The following TROAP variants were observed in gnomAD, a reference collection of about 807,000 sequenced individuals.
TROAP encodes tastin.
A neutral mutation model predicts 83.4 loss-of-function variants in TROAP; 62 were observed. The observed-to-expected ratio is 0.74, with a 90% CI of 0.61 to 0.92. The LOEUF is 0.92. Ranked by LOEUF, TROAP falls within the 40% of genes least tolerant of loss-of-function variation. The pLI is 0.00. For missense variants in TROAP, 876 were observed against 985.1 expected, an observed-to-expected ratio of 0.89 and a Z score of 1.48; for synonymous variants, 352 against 386.4, an observed-to-expected ratio of 0.91 and a Z score of 1.04.
In TROAP at chr12:49,331,338, C is replaced by T. The variant is rs756775328; in HGVS notation, c.2223C>T (p.Ala741=). The change falls in exon 14 of 15, where the codon GCC becomes GCT. Residue 741 remains alanine (A), a synonymous_variant. Coordinates refer to ENST00000257909, the MANE Select transcript of TROAP (RefSeq NM_005480.4). ...AGTGTGCCTTTTACACCAGCCGAGCCCCTCCCTCAGGCCCCACCCGGGTCT... is the reference window on the plus strand; with the variant it reads ...AGTGTGCCTTTTACACCAGCCGAGCTCCTCCCTCAGGCCCCACCCGGGTCT... ...DDECAFYTSR[A]PPSGPTRVCT... 1.4e-5 allele frequency: 23 copies of T among 1,614,100 alleles called. No individual in the cohort carries two copies. The South Asian group carries it at 2.0e-4, about 14-fold the overall frequency.
chr12:49,325,446 G>A, intron 3 of TROAP, 55 bp from the exon 4 acceptor site: 1 of 1,558,628 alleles, frequency 6.4e-7, no homozygotes, highest in Non-Finnish European at 8.7e-7. Flanking sequence ...CTATGCTAGG[G>A]GCCCTATCCC....
At position 49,326,220 on chromosome 12, in the gene TROAP, A is replaced by T. The variant is rs1943498960; in HGVS notation, c.716+62A>T. 17 of 1,554,170 alleles carry T rather than the reference A, an allele frequency of 1.1e-5. 1 individual carries two copies. Among genetic ancestry groups the T allele is most frequent in the Middle Eastern group, 3.7e-4 (2 of 5,468 alleles). On this transcript the variant is annotated intron_variant, in intron 6 of 14. Coordinates refer to ENST00000257909, the MANE Select transcript of TROAP (RefSeq NM_005480.4). ...AAAAGAATGAACCAGTGTCTGATAC[A>T]GGAGTCCCCCAGAGTTGGGGCCTTC...
Position 49,330,792 on chromosome 12 carries a change from G to C in TROAP, c.1947G>C (p.Leu649=), listed in dbSNP as rs1943568895. The change falls in exon 13 of 15, where the codon CTG becomes CTC. Residue 649 remains leucine, a synonymous_variant. Transcript: ENST00000257909. ...TGGGGGCATCAGAGCCCTGCACCCTGGAACATAGAAGTCTAGAGTCCAGTC... is the reference window on the plus strand; with the variant it reads ...TGGGGGCATCAGAGCCCTGCACCCTCGAACATAGAAGTCTAGAGTCCAGTC... ...VELGASEPCT[L]EHRSLESSLP... is the part of the protein sequence containing the mutation. The C allele has an allele frequency of 6.2e-7, 1 of 1,613,876 alleles. No individual in the cohort carries two copies. The highest frequency in any genetic ancestry group is 1.3e-5 in the African/African-American group (1 of 74,898).
intron 1 of TROAP, 121 bp from the exon 2 acceptor site, chr12:49,323,483 C>T (rs756988026): frequency 1.1e-4 from 152 of 1,389,066 alleles, no homozygotes; most frequent in Non-Finnish European, 1.4e-4. Flanking sequence ...TTGCAGGCGC[C>T]GGGGGCTTGT....
At position 49,325,537 on chromosome 12, in the gene TROAP, C is replaced by T. The variant is rs1943485495; in HGVS notation, c.374C>T (p.Ala125Val). ...ACCATAGAGTTTGTGGCTGACCCTG[C>T]AGCCCTGGCCACCATCCTGTCAGGT... ...PGTIEFVADP[A>V]ALATILSGEG... The change falls in exon 4 of 15, where the codon GCA (alanine) becomes GTA (valine). Residue 125 changes from alanine to valine, a missense_variant. This residue lies in a region of TROAP where 689 missense variants were observed against 722.6 expected (regional missense o/e 0.95). Coordinates refer to ENST00000257909, the MANE Select transcript of TROAP (RefSeq NM_005480.4). The T allele has an allele frequency of 2.5e-6, 4 of 1,613,998 alleles. No individual in the cohort carries two copies. The highest frequency in any genetic ancestry group is 3.4e-6 in the Non-Finnish European group (4 of 1,180,016).
Position 49,326,168 on chromosome 12 carries a change from G to A in TROAP, c.716+10G>A, listed in dbSNP as rs1280700257. ...CAGCTGGCAGCAGCCGGTGAGAAAG[G>A]AGAGGGTGTGGGAGAAGGTCATCTG... On this transcript the variant is annotated intron_variant, in intron 6 of 14. Transcript: ENST00000257909. 4 of 1,613,478 alleles carry A rather than the reference G, an allele frequency of 2.5e-6. No homozygotes were observed. The highest frequency in any genetic ancestry group is 3.4e-6 in the Non-Finnish European group (4 of 1,179,688).
Position 49,329,938 on chromosome 12 carries a change from C to T in TROAP, c.1246C>T (p.Pro416Ser), listed in dbSNP as rs186005662. 5.9e-5 allele frequency: 95 copies of T among 1,614,106 alleles called. No individual in the cohort carries two copies. The highest frequency in any genetic ancestry group is 3.3e-4 in the Middle Eastern group (2 of 6,060). The change falls in exon 12 of 15, where the codon CCT becomes TCT. Residue 416 changes from proline to serine, a missense_variant. By Grantham distance (74) the Pro-to-Ser change is moderately conservative. Coordinates refer to ENST00000257909, the MANE Select transcript of TROAP (RefSeq NM_005480.4). The surrounding 1 kb of genome is among the most constrained non-coding windows in gnomAD (Gnocchi z 4.5). Reference protein sequence around the residue: ...EGSGKPPVATPSGPHSNRTPS... With the variant: ...EGSGKPPVATSSGPHSNRTPS... ...TTCTGGGAAACCACCGGTGGCCACT[C>T]CTTCTGGACCCCACTCTAACAGAAC... is the stretch of plus-strand genomic sequence containing the variant.
At chr12:49,331,434 G>A in intron 14 of TROAP, 27 bp downstream of exon 14, 6 of 1,609,342 alleles carry the variant, frequency 3.7e-6, no homozygotes, top group Non-Finnish European at 5.1e-6. Context: ...CAGCCCAGCT[G>A]TGGCTGCACA....
rs762426688 is a variant in TROAP, at chr12:49,329,502, C to T, written c.1164+48C>T. On this transcript the variant is annotated intron_variant, in intron 11 of 14. Transcript: ENST00000257909. The surrounding 1 kb of genome is among the most constrained non-coding windows in gnomAD (Gnocchi z 4.5). ...TACTGAGATCCCTTGCCCTGTGCTG[C>T]CAGCCTGGAGGCCCAGGAGTTTGAG... The T allele has an allele frequency of 6.4e-7, 1 of 1,560,306 alleles. No individual in the cohort carries two copies. The highest frequency in any genetic ancestry group is 2.2e-5 in the East Asian group (1 of 44,556).
rs200438247 is a variant in TROAP at position 49,331,269 on chromosome 12, T to C, written c.2154T>C (p.Cys718=). The part of the protein sequence containing the change: ...TLALRERLKS[C]LTAIHCFHEA... ...CCCTGAGGGAGCGCCTCAAATCGTG[T>C]TTAACCGCCATCCACTGCTTCCACG... is the stretch of plus-strand genomic sequence containing the variant. The change falls in exon 14 of 15, where the codon TGT becomes TGC. Residue 718 remains cysteine, a synonymous_variant. Transcript: ENST00000257909. 18 of 1,614,060 alleles carry C rather than the reference T, an allele frequency of 1.1e-5. No homozygotes were observed. Among genetic ancestry groups the C allele is most frequent in the Non-Finnish European group, 1.5e-5 (18 of 1,180,026 alleles).
rs767398386 is a variant in TROAP at position 49,324,082 on chromosome 12, G to A, written c.337+45G>A. The A allele has an allele frequency of 7.4e-6, 12 of 1,612,384 alleles. No individual in the cohort carries two copies. The South Asian group carries it at 1.3e-4, about 18-fold the overall frequency. On this transcript the variant is annotated intron_variant, in intron 3 of 14. Transcript: ENST00000257909. ...TAACACGGCCTCCATGGCTGAGTAGGGGACTAGGAAGGGTAAAAGTGGGGT... is the reference window on the plus strand; with the variant it reads ...TAACACGGCCTCCATGGCTGAGTAGAGGACTAGGAAGGGTAAAAGTGGGGT...
Position 49,326,501 on chromosome 12 carries a change from G to A in TROAP, c.717-167G>A. On this transcript the variant is annotated intron_variant, in intron 6 of 14. Transcript: ENST00000257909. ...TAACACTTACTATTTGTGCAAGCTT[G>A]CCTTCACCTCTCTGAGCTTTGGTTT... 3 of 806,670 alleles carry A rather than the reference G, an allele frequency of 3.7e-6. No homozygotes were observed. The South Asian group carries it at 5.4e-5, about 15-fold the overall frequency. The allele number at this position is 806,670 out of a possible 1,614,324, so 50.0% of individuals were successfully genotyped here. A position where few individuals can be genotyped will look rare whatever the true frequency, so the allele number is the denominator to read the frequency against.
At position 49,325,489 on chromosome 12, in the gene TROAP, C is replaced by T. The variant is rs1204888904; in HGVS notation, c.338-12C>T. 2.5e-6 allele frequency: 4 copies of T among 1,610,814 alleles called. No individual in the cohort carries two copies. The highest frequency in any genetic ancestry group is 3.4e-6 in the Non-Finnish European group (4 of 1,178,474). On this transcript the variant is annotated splice_polypyrimidine_tract_variant and intron_variant, in intron 3 of 14. Transcript: ENST00000257909. ...CTTCCCCCTTCCTTTTCCTTCTCCT[C>T]TTTCCTTGCAGAGGCTCCAGGGACC...
At chr12:49,324,445 C>G (rs565066731) in intron 3 of TROAP, 133 of 412,892 alleles carry the variant, frequency 3.2e-4, no homozygotes, top group South Asian at 1.2e-3. Context: ...TAATACTTTG[C>G]AGCACTTCTT....
At position 49,330,292 on chromosome 12, in the gene TROAP, GA is replaced by G. The variant is rs377713704; in HGVS notation, c.1448del (p.Glu483GlyfsTer13). 1,056 of 1,614,144 alleles carry G rather than the reference GA, an allele frequency of 6.5e-4. 5 individuals are homozygous for G. The African/African-American group carries it at 0.013, about 20-fold the overall frequency. ...TEISRTLNATEHNSGTSHLPG... is the reference protein window; with the variant it reads ...TEISRTLNATXHNSGTSHLPG... ...GATTTCTAGAACTCTGAATGCCACA[GA>G]GCATAACTCTGGGACTTCCCACCTT... is the stretch of plus-strand genomic sequence containing the variant. On this transcript the variant is annotated frameshift_variant, in exon 13 of 15. Transcript: ENST00000257909. LOFTEE classifies it high-confidence loss of function.
At chr12:49,324,084 G>A in intron 3 of TROAP, 47 bp downstream of exon 3, 2 of 1,613,054 alleles carry the variant, frequency 1.2e-6, no homozygotes, top group Middle Eastern at 1.7e-4. Context: ...CTGAGTAGGG[G>A]ACTAGGAAGG....
In TROAP at chr12:49,329,094, A is replaced by T; in HGVS notation, c.1020+39A>T. On this transcript the variant is annotated intron_variant, in intron 9 of 14. Transcript: ENST00000257909. This position sits in a 1 kb window ranked among gnomAD's most constrained non-coding sequence, Gnocchi z 4.5. ...ACTGGGGGCTGGGCAGGGGCAGAAC[A>T]GTCTGGCCGGAGATCCTTGCTATGT... is the stretch of plus-strand genomic sequence containing the variant. 1.9e-6 allele frequency: 3 copies of T among 1,613,846 alleles called. No individual in the cohort carries two copies. Among genetic ancestry groups the T allele is most frequent in the Non-Finnish European group, 2.5e-6 (3 of 1,179,806 alleles).
chr12:49,324,177 G>C lies in TROAP; in HGVS notation c.337+140G>C, dbSNP rs376486807. The stretch of plus-strand genomic sequence containing the variant: ...TAGTCCTGGTCCCAGCTCCTGGAAA[G>C]CTCTTTGCTCTTAGAAGATCTCCCT... On this transcript the variant is annotated intron_variant, in intron 3 of 14. Transcript: ENST00000257909. 22 of 1,614,124 alleles carry C rather than the reference G, an allele frequency of 1.4e-5. No homozygotes were observed. The South Asian group carries it at 1.6e-4, about 12-fold the overall frequency.
Position 49,330,235 on chromosome 12 carries a change from G to T in TROAP, c.1390G>T (p.Asp464Tyr). 6.2e-7 allele frequency: 1 copy of T among 1,614,148 alleles called. No homozygotes were observed. Among genetic ancestry groups the T allele is most frequent in the Non-Finnish European group, 8.5e-7 (1 of 1,180,008 alleles). Residue 464 changes from aspartate to tyrosine, a missense_variant, in exon 13 of 15, where the codon GAT becomes TAT. Physicochemically the swap from Asp to Tyr is radical, Grantham distance 160. Transcript: ENST00000257909. The part of the protein sequence containing the change: ...CVPLNGGSSL[D>Y]MVELQPLLTE... ...CCCTCTTAATGGAGGCTCTTCTCTG[G>T]ATATGGTTGAACTTCAGCCCCTGCT...
Sources: allele counts gnomAD v4.1 joint callset, GRCh38; gene constraint gnomAD v4.1.1; regional missense constraint gnomAD v4.1.1; non-coding constraint Gnocchi (gnomAD v3.1); transcripts MANE v1.5; gene names NCBI Gene and HGNC (gene_info 2026-07-23, HGNC 2026-07-21).